Variants in SF3A1 observed in about 807,000 individuals in gnomAD.
SF3A1 encodes the protein SAP 114.
Under a neutral mutation model 89.9 loss-of-function variants are expected in SF3A1, and 13 were observed. The observed-to-expected ratio is 0.14, with a 90% CI of 0.09 to 0.23. The LOEUF is 0.23. Ranked by LOEUF, SF3A1 falls within the 10% of genes least tolerant of loss-of-function variation. The probability of loss-of-function intolerance (pLI) is 1.00; values close to 1 mark genes in which losing one functional copy is unlikely to be tolerated. For synonymous variants in SF3A1, 405 were observed against 374.4 expected (o/e 1.08, Z -0.94); for missense variants, 604 against 1,022.1 (o/e 0.59, Z 5.58).
intron 7 of SF3A1, 148 bp from the exon 8 acceptor site, chr22:30,340,960 C>T (rs1424184427): frequency 1.7e-5 from 10 of 599,490 alleles, no homozygotes; most frequent in Admixed American, 3.3e-5. Context: ...TGAGGCCAGC[C>T]GGCAGCAGGC....
rs759219218 is a variant in SF3A1, at chr22:30,340,262, G to A, written c.1309C>T (p.Arg437Cys). 6.2e-7 allele frequency: 1 copy of A among 1,611,932 alleles called. No homozygotes were observed. The highest frequency in any genetic ancestry group is 8.5e-7 in the Non-Finnish European group (1 of 1,179,258). Residue 437 changes from arginine (R) to cysteine (C), a missense_variant, in exon 9 of 16, where the codon CGC becomes TGC. Physicochemically the swap from Arg to Cys is radical, Grantham distance 180 (BLOSUM62 -3). Coordinates refer to ENST00000215793, the MANE Select transcript of SF3A1 (RefSeq NM_005877.6). ...EHMRIGLLDPRWLEQRDRSIR... is the reference protein window; with the variant it reads ...EHMRIGLLDPCWLEQRDRSIR... ...GAGCGATCCCGCTGCTCCAGCCAGC[G>A]AGGGTCAAGAAGTCCAATGCGCATG...
chr22:30,349,338 T>G (rs572504760), intron 2 of SF3A1, among the ~76,000 whole-genome samples: 50 of 152,264 alleles, frequency 3.3e-4, no homozygotes, highest in Non-Finnish European at 6.8e-4. Flanking sequence ...GGGAGTGCAG[T>G]GGCACAATCT....
chr22:30,336,324 C>G (rs1018912846), intron 13 of SF3A1, among the ~76,000 whole-genome samples: 4 of 152,170 alleles, frequency 2.6e-5, no homozygotes, highest in African/African-American at 9.7e-5. Flanking sequence ...TCAAGACAAG[C>G]CTGGCCAACG....
chr22:30,345,855 G>A (rs1187987801), intron 3 of SF3A1, among the ~76,000 whole-genome samples: 1 of 152,138 alleles, frequency 6.6e-6, no homozygotes, highest in Non-Finnish European at 1.5e-5. Context: ...CAGGGAAGGT[G>A]GTATCAGGGG....
At position 30,356,510 on chromosome 22, in the gene SF3A1, G is replaced by C. The variant is rs559826013; in HGVS notation, c.63+220C>G. On this transcript the variant is annotated intron_variant, in intron 1 of 15. Transcript: ENST00000215793. ...GACTCCACATTTCTAAGAAGCTCCC[G>C]GCTCGTGCCGACGGGGCTGCTCCGC... is the stretch of plus-strand genomic sequence containing the variant. 3.6e-4 allele frequency: 146 copies of C among 400,976 alleles called. 1 individual carries two copies. The East Asian group carries it at 4.9e-3, about 14-fold the overall frequency. 24.8% of individuals were successfully genotyped at this position (400,976 alleles called of 1,614,324 possible). A position where few individuals can be genotyped will look rare whatever the true frequency, so the allele number is the denominator to read the frequency against.
chr22:30,351,699 T>A (rs1931600248), intron 2 of SF3A1, among the ~76,000 whole-genome samples: 1 of 152,224 alleles, frequency 6.6e-6, no homozygotes, highest in Admixed American at 6.5e-5. Context: ...GGTCTCACTA[T>A]GTTGCCCAGG....
chr22:30,344,753 A>C (rs892661939), intron 4 of SF3A1, among the ~76,000 whole-genome samples, 180 bp downstream of exon 4: 2 of 152,238 alleles, frequency 1.3e-5, no homozygotes, highest in Non-Finnish European at 1.5e-5. Context: ...TCTGTGTTGC[A>C]CTTAAAGAAA....
intron 7 of SF3A1, among the ~76,000 whole-genome samples, chr22:30,341,435 C>A (rs1488307258): frequency 2.6e-5 from 4 of 152,204 alleles, no homozygotes; most frequent in Non-Finnish European, 5.9e-5. Context: ...GCAGTGAGAG[C>A]AGGCTGTCCG....
rs1601692751 is a variant in SF3A1 at position 30,340,082 on chromosome 22, G to A, written c.1375+114C>T. ...GAGTTCTCTTGCAATATCATAGAGT[G>A]CAACTCTCCTCAAAAGCTTTTGTTG... On this transcript the variant is annotated intron_variant, in intron 9 of 15. Coordinates refer to ENST00000215793, the MANE Select transcript of SF3A1 (RefSeq NM_005877.6). 3 of 900,560 alleles carry A rather than the reference G, an allele frequency of 3.3e-6. No individual in the cohort carries two copies. The East Asian group carries it at 9.1e-5, about 27-fold the overall frequency. The allele number at this position is 900,560 out of a possible 1,614,324, so 55.8% of individuals were successfully genotyped here.
In SF3A1 at chr22:30,334,666, C is replaced by T. The variant is rs769840042; in HGVS notation, c.2310G>A (p.Leu770=). 6.3e-7 allele frequency: 1 copy of T among 1,594,080 alleles called. No homozygotes were observed. The highest frequency in any genetic ancestry group is 1.8e-5 in the Admixed American group (1 of 54,886). The change falls in exon 16 of 16, where the codon CTG becomes CTA. Residue 770 remains leucine (L), a synonymous_variant. Coordinates refer to ENST00000215793, the MANE Select transcript of SF3A1 (RefSeq NM_005877.6). ...CGCCATTGGCCATGTTGTAGTAAGC[C>T]AGTGAGTTGGAATCTTTGATGAAGA... ...EGIFIKDSNS[L]AYYNMANGAV...
chr22:30,344,920 C>T lies in SF3A1; in HGVS notation c.651+13G>A, dbSNP rs369549269. 3.4e-3 allele frequency: 5,494 copies of T among 1,611,172 alleles called. 214 individuals are homozygous for T. In the South Asian group the frequency reaches 0.057, roughly 17 times the overall value. On this transcript the variant is annotated intron_variant, in intron 4 of 15. Coordinates refer to ENST00000215793, the MANE Select transcript of SF3A1 (RefSeq NM_005877.6). ...CCTGGGCCCAGGACCCCAGCCCCAT[C>T]CTGCCCAGGCACCTTGGTGTACTGT... is the stretch of plus-strand genomic sequence containing the variant.
chr22:30,347,442 C>A (rs1276901032), intron 2 of SF3A1, among the ~76,000 whole-genome samples: 1 of 152,186 alleles, frequency 6.6e-6, no homozygotes, highest in Admixed American at 6.5e-5. Context: ...GTATAAGGCA[C>A]CTTCAGATGA....
intron 7 of SF3A1, among the ~76,000 whole-genome samples, 185 bp from the exon 8 acceptor site, chr22:30,340,997 G>C (rs929381509): frequency 6.6e-6 from 1 of 152,090 alleles, no homozygotes; most frequent in Non-Finnish European, 1.5e-5. Flanking sequence ...AGCATGAATG[G>C]GAGTGCTGAG....
rs781064060 is a variant in SF3A1, at chr22:30,346,533, AAAC to A, written c.186-17_186-15del. On this transcript the variant is annotated splice_polypyrimidine_tract_variant and intron_variant, in intron 2 of 15. Coordinates refer to ENST00000215793, the MANE Select transcript of SF3A1 (RefSeq NM_005877.6). Reference sequence around the variant, plus strand: ...TCAGGCCCGTTTCTGGAGGAAGAAAAAACAACAAGAATAAACACCACTCCCTTG... The same window carrying A: ...TCAGGCCCGTTTCTGGAGGAAGAAAAAACAAGAATAAACACCACTCCCTTG... 3.1e-6 allele frequency: 5 copies of A among 1,613,732 alleles called. No homozygotes were observed. The highest frequency in any genetic ancestry group is 1.7e-5 in the Admixed American group (1 of 59,986).
intron 13 of SF3A1, 79 bp from the exon 14 acceptor site, chr22:30,335,832 T>C (rs184166230): frequency 2.6e-6 from 3 of 1,172,948 alleles, no homozygotes; most frequent in Admixed American, 3.4e-5. Flanking sequence ...CCTAGGCCTG[T>C]CCAGACAATG....
chr22:30,350,419 C>T (rs1012293710), intron 2 of SF3A1, among the ~76,000 whole-genome samples: 2 of 152,040 alleles, frequency 1.3e-5, no homozygotes, highest in Non-Finnish European at 2.9e-5. Flanking sequence ...GAGTTCAAGG[C>T]TGCAGTGAGC....
chr22:30,338,776 G>GA lies in SF3A1; in HGVS notation c.1743+12dup, dbSNP rs1254246868. The GA allele has an allele frequency of 6.2e-7, 1 of 1,613,856 alleles. No individual in the cohort carries two copies. Among genetic ancestry groups the GA allele is most frequent in the African/African-American group, 1.3e-5 (1 of 75,056 alleles). On this transcript the variant is annotated intron_variant, in intron 11 of 15. Transcript: ENST00000215793. ...CTCTAAAAAAGTCAGTTCCAGGGTA[G>GA]ATGCTGGCTTACTGTGGGTGGTCGG...
intron 2 of SF3A1, chr22:30,352,562 T>C: frequency 6.1e-6 from 1 of 163,492 alleles, no homozygotes; most frequent in Non-Finnish European, 1.3e-5. Context: ...TTTTTCCATT[T>C]TGCAGATGGG....
intron 2 of SF3A1, among the ~76,000 whole-genome samples, chr22:30,350,344 T>C (rs879524054): frequency 6.9e-6 from 1 of 144,282 alleles, no homozygotes; most frequent in African/African-American, 2.5e-5. Context: ...TAGCTGGGTG[T>C]GGTGGCAGGC....
Sources: allele counts gnomAD v4.1 joint callset (sites outside exome capture counted in the v4.1 genomes callset), GRCh38; gene constraint gnomAD v4.1.1; transcripts MANE v1.5; gene names NCBI Gene and HGNC (gene_info 2026-07-23, HGNC 2026-07-21).